EFNA5: variants seen among roughly 807,000 people sequenced by gnomAD.
EFNA5 encodes ephrin A5, also known as ephrin-A5.
A neutral mutation model predicts 22.9 loss-of-function variants in EFNA5; 5 were observed. That is an observed-to-expected ratio of 0.22 (90% confidence interval 0.11 to 0.46). The LOEUF (loss-of-function observed/expected upper bound fraction) is 0.46, where lower values mean the gene tolerates loss of function less well. EFNA5 is among the 20% of genes least tolerant of loss of function. The pLI, the probability that EFNA5 is intolerant of heterozygous loss-of-function variation, is 0.99. For synonymous variants in EFNA5, 113 were observed against 112.2 expected, an observed-to-expected ratio of 1.01 and a Z score of -0.04; for missense variants, 237 against 293.3, an observed-to-expected ratio of 0.81 and a Z score of 1.40.
intron 1 of EFNA5, among the ~76,000 whole-genome samples, chr5:107,654,246 G>C (rs955816672): frequency 2.6e-4 from 39 of 152,098 alleles, no homozygotes; most frequent in African/African-American, 9.4e-4. Flanking sequence ...CTTCCCTGTG[G>C]GTTTACATTG....
At chr5:107,444,629 C>T (rs1005409732) in intron 1 of EFNA5, among the ~76,000 whole-genome samples, 2 of 151,984 alleles carry the variant, frequency 1.3e-5, no homozygotes, top group African/African-American at 2.4e-5. Flanking sequence ...TCAGGCATGC[C>T]GAAATTAAAA....
chr5:107,408,204 T>C (rs770995219), intron 2 of EFNA5, among the ~76,000 whole-genome samples: 2 of 151,766 alleles, frequency 1.3e-5, no homozygotes, highest in African/African-American at 2.4e-5. Context: ...ACCATCACCA[T>C]CACCATCACT....
intron 1 of EFNA5, among the ~76,000 whole-genome samples, chr5:107,492,054 C>T (rs2112414704): frequency 6.6e-6 from 1 of 152,186 alleles, no homozygotes. Flanking sequence ...AGGCTGGTCT[C>T]AAACTCTTGG....
At chr5:107,486,361 A>G (rs1056590636) in intron 1 of EFNA5, among the ~76,000 whole-genome samples, 2 of 152,202 alleles carry the variant, frequency 1.3e-5, no homozygotes, top group Non-Finnish European at 2.9e-5. Context: ...GATATGGAAG[A>G]TACAACCTAA....
intron 1 of EFNA5, among the ~76,000 whole-genome samples, chr5:107,615,840 T>C (rs1749901668): frequency 6.6e-6 from 1 of 152,208 alleles, no homozygotes. Context: ...AGCTGTATTT[T>C]ACACTGAATG....
intron 2 of EFNA5, among the ~76,000 whole-genome samples, chr5:107,405,717 T>C (rs1748191191): frequency 6.6e-6 from 1 of 152,052 alleles, no homozygotes; most frequent in South Asian, 2.1e-4. Context: ...ATGTTACTTC[T>C]GTGTTCTAAA....
intron 1 of EFNA5, among the ~76,000 whole-genome samples, chr5:107,529,172 T>C (rs1333972528): frequency 1.3e-5 from 2 of 152,136 alleles, no homozygotes; most frequent in Non-Finnish European, 2.9e-5. Flanking sequence ...GCCAGCTAAT[T>C]TCAATATTGG....
intron 1 of EFNA5, among the ~76,000 whole-genome samples, chr5:107,609,017 G>A (rs529209895): frequency 6.6e-6 from 1 of 152,262 alleles, no homozygotes; most frequent in South Asian, 2.1e-4. Context: ...TGAATTCTGA[G>A]TGTTATAGTT....
At chr5:107,596,515 G>A (rs1001627610) in intron 1 of EFNA5, among the ~76,000 whole-genome samples, 7 of 152,026 alleles carry the variant, frequency 4.6e-5, no homozygotes, top group Non-Finnish European at 4.4e-5. Flanking sequence ...ATTCATCCAC[G>A]GATGGCCACC....
intron 2 of EFNA5, among the ~76,000 whole-genome samples, chr5:107,390,804 T>C (rs1242224707): frequency 6.6e-6 from 1 of 152,208 alleles, no homozygotes; most frequent in African/African-American, 2.4e-5. Flanking sequence ...TGATAACGAA[T>C]AATTATAAAA....
intron 1 of EFNA5, among the ~76,000 whole-genome samples, chr5:107,506,615 GGAGGGT>G (rs1747255617): frequency 6.6e-6 from 1 of 152,128 alleles, no homozygotes; most frequent in Non-Finnish European, 1.5e-5. Flanking sequence ...AGGCAGGTGT[GGAGGGT>G]GGGCAGCCCA....
At position 107,381,362 on chromosome 5, in the gene EFNA5, C is replaced by A; in HGVS notation, c.580G>T (p.Glu194Ter). The A allele has an allele frequency of 6.2e-7, 1 of 1,613,412 alleles. No homozygotes were observed. Residue 194 changes from glutamate to a stop codon, truncating the protein, a stop_gained, in exon 5 of 5, where the codon GAG becomes TAG. Transcript: ENST00000333274. LOFTEE classifies it high-confidence loss of function. ...TCGCCGCGGGATGGCTCGGCTGACT[C>A]ATGTACGGTGTCATCTGTTCAAATA... ...SLEPADDTVH[E>*]SAEPSRGENA...
chr5:107,650,187 G>C (rs1475451967), intron 1 of EFNA5, among the ~76,000 whole-genome samples: 1 of 152,170 alleles, frequency 6.6e-6, no homozygotes, highest in African/African-American at 2.4e-5. Flanking sequence ...GGTACAAACA[G>C]CTATGCTAAG....
intron 1 of EFNA5, among the ~76,000 whole-genome samples, chr5:107,438,708 G>A (rs767058654): frequency 3.3e-5 from 5 of 152,154 alleles, no homozygotes; most frequent in Non-Finnish European, 7.4e-5. Flanking sequence ...CGGATCTTTG[G>A]AGAGAAAGAC....
At chr5:107,585,586 G>C (rs560477247) in intron 1 of EFNA5, among the ~76,000 whole-genome samples, 23 of 152,316 alleles carry the variant, frequency 1.5e-4, no homozygotes, top group East Asian at 9.6e-4. Flanking sequence ...AGAGTTTTCA[G>C]AAGGAATCTG....
At chr5:107,485,627 T>C (rs762995906) in intron 1 of EFNA5, among the ~76,000 whole-genome samples, 10 of 152,208 alleles carry the variant, frequency 6.6e-5, no homozygotes, top group Non-Finnish European at 1.5e-4. Context: ...AAGTTAGAGA[T>C]ACTCACTTAT....
At position 107,498,850 on chromosome 5, in the gene EFNA5, G is replaced by A. The variant is rs141121508; in HGVS notation, c.126-71341C>T. Among the ~76,000 whole-genome samples, 1,172 of 152,294 alleles carry A rather than the reference G, an allele frequency of 7.7e-3. 7 individuals carry two copies. The highest frequency in any genetic ancestry group is 0.025 in the African/African-American group (1,037 of 41,560). ...GATGCCAATGTACACACTGTGATAA[G>A]GCTGCAGGGGATAGACTACATATGG... On this transcript the variant is annotated intron_variant, in intron 1 of 4. Coordinates refer to ENST00000333274, the MANE Select transcript of EFNA5 (RefSeq NM_001962.3).
chr5:107,410,217 A>G (rs1748330763), intron 2 of EFNA5, among the ~76,000 whole-genome samples: 1 of 151,916 alleles, frequency 6.6e-6, no homozygotes, highest in South Asian at 2.1e-4. Flanking sequence ...TTTTTAGTAG[A>G]GACGGGGTTT....
chr5:107,572,274 A>T (rs1186259194), intron 1 of EFNA5, among the ~76,000 whole-genome samples: 1 of 152,078 alleles, frequency 6.6e-6, no homozygotes, highest in African/African-American at 2.4e-5. Context: ...GACCGGGGGA[A>T]GGAGAAAGGA....
Sources: allele counts gnomAD v4.1 joint callset (sites outside exome capture counted in the v4.1 genomes callset), GRCh38; gene constraint gnomAD v4.1.1; transcripts MANE v1.5; gene names NCBI Gene and HGNC (gene_info 2026-07-23, HGNC 2026-07-21).